TMEFF1: variants seen among roughly 807,000 people sequenced by gnomAD.
The protein encoded by TMEFF1 is transmembrane protein with EGF like and two follistatin like domains 1, also known as tomoregulin-1.
Under a neutral mutation model 47.5 loss-of-function variants are expected in TMEFF1, and 20 were observed. The observed-to-expected ratio is 0.42, with a 90% CI of 0.30 to 0.61. The LOEUF (loss-of-function observed/expected upper bound fraction) is 0.61. TMEFF1 is among the 20% of genes least tolerant of loss of function. The probability of loss-of-function intolerance (pLI) is 0.19; values close to 1 mark genes in which losing one functional copy is unlikely to be tolerated. For synonymous variants in TMEFF1, 162 were observed against 166.3 expected (o/e 0.97, Z 0.20); for missense variants, 411 against 471.1 (o/e 0.87, Z 1.18).
intron 1 of TMEFF1, among the ~76,000 whole-genome samples, chr9:100,481,076 C>T (rs549222956): frequency 6.6e-6 from 1 of 152,292 alleles, no homozygotes; most frequent in South Asian, 2.1e-4. Context: ...TGTCCCAGTT[C>T]CTACAGTTGT....
At chr9:100,513,376 T>C (rs769755351) in intron 4 of TMEFF1, 43 bp downstream of exon 4, 13 of 1,542,534 alleles carry the variant, frequency 8.4e-6, no homozygotes, top group Non-Finnish European at 1.1e-5. Context: ...CTTTTCTTTC[T>C]TTCTTTCTTT....
rs186053021 is a variant in TMEFF1 at position 100,473,823 on chromosome 9, G to A, written c.196+83G>A. ...GTGGTCCCTGCGGTCGGCCGGGCTG[G>A]GAAAGACCCCGTCGTGGGGGTCCCA... On this transcript the variant is annotated intron_variant, in intron 1 of 9. Transcript: ENST00000374879. The surrounding 1 kb of genome is among the most constrained non-coding windows in gnomAD (Gnocchi z 5.4). The A allele has an allele frequency of 1.2e-3, 1,601 of 1,371,388 alleles. 12 individuals carry two copies. In the African/African-American group the frequency reaches 0.021, roughly 18 times the overall value. The allele number at this position is 1,371,388 out of a possible 1,614,324, so 85.0% of individuals were successfully genotyped here. A position where few individuals can be genotyped will look rare whatever the true frequency, so the allele number is the denominator to read the frequency against.
chr9:100,473,821 T>C lies in TMEFF1; in HGVS notation c.196+81T>C. 1 of 1,372,238 alleles carries C rather than the reference T, an allele frequency of 7.3e-7. No individual in the cohort carries two copies. The highest frequency in any genetic ancestry group is 9.5e-7 in the Non-Finnish European group (1 of 1,056,530). The allele number at this position is 1,372,238 out of a possible 1,614,324, so 85.0% of individuals were successfully genotyped here. A position where few individuals can be genotyped will look rare whatever the true frequency, so the allele number is the denominator to read the frequency against. On this transcript the variant is annotated intron_variant, in intron 1 of 9. Coordinates refer to ENST00000374879, the MANE Select transcript of TMEFF1 (RefSeq NM_003692.5). The surrounding 1 kb of genome is among the most constrained non-coding windows in gnomAD (Gnocchi z 5.4). ...TCGTGGTCCCTGCGGTCGGCCGGGC[T>C]GGGAAAGACCCCGTCGTGGGGGTCC... is the stretch of plus-strand genomic sequence containing the variant.
At chr9:100,544,508 C>T (rs1208536727) in intron 5 of TMEFF1, among the ~76,000 whole-genome samples, 8 of 152,182 alleles carry the variant, frequency 5.3e-5, no homozygotes, top group South Asian at 4.1e-4. Flanking sequence ...CACCTCCTAC[C>T]GGGTTCCTCC....
At chr9:100,575,000 T>G (rs1839319932) in intron 9 of TMEFF1, among the ~76,000 whole-genome samples, 1 of 152,218 alleles carries the variant, frequency 6.6e-6, no homozygotes, top group South Asian at 2.1e-4. Flanking sequence ...GCCCACTGTC[T>G]CTACGATTGA....
intron 7 of TMEFF1, among the ~76,000 whole-genome samples, chr9:100,559,347 A>G (rs1587855389): frequency 6.6e-6 from 1 of 152,106 alleles, no homozygotes; most frequent in East Asian, 1.9e-4. Flanking sequence ...TATTCCCAGC[A>G]CCTAACAGAG....
At chr9:100,492,130 C>T (rs548555273) in intron 1 of TMEFF1, among the ~76,000 whole-genome samples, 13 of 152,252 alleles carry the variant, frequency 8.5e-5, no homozygotes, top group South Asian at 2.1e-4. Flanking sequence ...ATGATCTGCC[C>T]GCCTTGGCCT....
At chr9:100,535,686 C>T (rs1201908558) in intron 5 of TMEFF1, among the ~76,000 whole-genome samples, 1 of 152,152 alleles carries the variant, frequency 6.6e-6, no homozygotes, top group East Asian at 1.9e-4. Context: ...CAGGCTTGGA[C>T]CTGGGAGGCG....
chr9:100,516,880 A>G, intron 5 of TMEFF1, 109 bp downstream of exon 5: 1 of 1,380,084 alleles, frequency 7.2e-7, no homozygotes, highest in Non-Finnish European at 9.5e-7. Context: ...GTGTGTTTTC[A>G]AATTTTTTTT....
intron 1 of TMEFF1, among the ~76,000 whole-genome samples, chr9:100,488,913 A>G (rs1837499899): frequency 6.6e-6 from 1 of 152,194 alleles, no homozygotes; most frequent in South Asian, 2.1e-4. Flanking sequence ...TTTTTTATTG[A>G]GATAATTTTC....
intron 5 of TMEFF1, among the ~76,000 whole-genome samples, chr9:100,543,981 C>G (rs547918456): frequency 1.2e-3 from 182 of 152,104 alleles, no homozygotes; most frequent in African/African-American, 4.2e-3. Context: ...CTCAGGGGAG[C>G]TGGTTTTCTT....
chr9:100,486,138 A>G (rs1190103120), intron 1 of TMEFF1, among the ~76,000 whole-genome samples: 2 of 152,112 alleles, frequency 1.3e-5, no homozygotes, highest in Non-Finnish European at 2.9e-5. Flanking sequence ...GCAGTATATA[A>G]TCTGTGTAGA....
intron 2 of TMEFF1, among the ~76,000 whole-genome samples, chr9:100,503,247 TG>T (rs1015599643): frequency 1.3e-5 from 2 of 152,098 alleles, no homozygotes; most frequent in Non-Finnish European, 1.5e-5. Context: ...AAATTCAAAT[TG>T]TTTTTTTTTT....
At chr9:100,569,691 T>C (rs1458950950) in intron 8 of TMEFF1, among the ~76,000 whole-genome samples, 1 of 152,218 alleles carries the variant, frequency 6.6e-6, no homozygotes, top group Non-Finnish European at 1.5e-5. Flanking sequence ...GACAAAATTA[T>C]GTATACATAT....
chr9:100,552,271 G>T, intron 7 of TMEFF1, among the ~76,000 whole-genome samples: 1 of 152,150 alleles, frequency 6.6e-6, no homozygotes, highest in Non-Finnish European at 1.5e-5. Flanking sequence ...CAGGAATATT[G>T]TGCATATTGT....
At chr9:100,553,007 G>C (rs1838854231) in intron 7 of TMEFF1, among the ~76,000 whole-genome samples, 1 of 152,174 alleles carries the variant, frequency 6.6e-6, no homozygotes, top group Non-Finnish European at 1.5e-5. Context: ...TTAGAAAGGA[G>C]AGAAGGCCCA....
At chr9:100,499,128 A>G (rs1000495013) in intron 2 of TMEFF1, among the ~76,000 whole-genome samples, 1 of 152,184 alleles carries the variant, frequency 6.6e-6, no homozygotes, top group African/African-American at 2.4e-5. Context: ...ATTTAAATGT[A>G]AGGTATAATT....
At chr9:100,552,681 G>T (rs1838846242) in intron 7 of TMEFF1, among the ~76,000 whole-genome samples, 1 of 152,052 alleles carries the variant, frequency 6.6e-6, no homozygotes. Flanking sequence ...AATCAGCTTG[G>T]ACAACATGGT....
chr9:100,495,479 G>A (rs1482147325), intron 1 of TMEFF1, among the ~76,000 whole-genome samples: 6 of 152,008 alleles, frequency 3.9e-5, no homozygotes, highest in Admixed American at 6.5e-5. Flanking sequence ...ACTGTATGAC[G>A]CATTTAGCCC....
Sources: gnomAD v4.1 joint callset for allele counts (sites outside exome capture counted in the v4.1 genomes callset) on GRCh38, gnomAD v4.1.1 for gene constraint, Gnocchi (gnomAD v3.1) non-coding constraint, MANE v1.5 for transcripts, NCBI Gene and HGNC (gene_info 2026-07-23, HGNC 2026-07-21) for gene names.